Variants in BABAM2 observed in about 807,000 individuals in gnomAD.
BABAM2 encodes BRISC and BRCA1-A complex member 2.
Under a neutral mutation model 54.7 loss-of-function variants are expected in BABAM2, and 31 were observed. The observed-to-expected ratio is 0.57, with a 90% CI of 0.43 to 0.77. BABAM2 has a LOEUF of 0.77. Ranked by LOEUF, BABAM2 falls within the 30% of genes least tolerant of loss-of-function variation. The pLI is 0.00. For synonymous variants in BABAM2, 167 were observed against 162.9 expected (o/e 1.03, Z -0.19); for missense variants, 364 against 455.8 (o/e 0.80, Z 1.83).
intron 10 of BABAM2, among the ~76,000 whole-genome samples, chr2:28,262,296 A>G (rs1684607224): frequency 6.6e-6 from 1 of 152,190 alleles, no homozygotes; most frequent in Non-Finnish European, 1.5e-5. Flanking sequence ...CTTTATCCTA[A>G]GGATAGCAAG....
chr2:28,098,008 G>A (rs1046121264), intron 6 of BABAM2, among the ~76,000 whole-genome samples: 4 of 151,838 alleles, frequency 2.6e-5, no homozygotes, highest in South Asian at 2.1e-4. Context: ...TTAAAATTTC[G>A]TAGTTTGAAA....
chr2:27,909,322 G>A (rs1450882068), intron 2 of BABAM2, among the ~76,000 whole-genome samples: 4 of 152,292 alleles, frequency 2.6e-5, no homozygotes, highest in African/African-American at 9.6e-5. Context: ...TGGGATTACA[G>A]GCTTGAGCAT....
intron 6 of BABAM2, among the ~76,000 whole-genome samples, chr2:28,122,921 G>A (rs1024925270): frequency 6.6e-6 from 1 of 151,528 alleles, no homozygotes; most frequent in Non-Finnish European, 1.5e-5. Flanking sequence ...TCAGACTTGA[G>A]TTTTTTTTTA....
At chr2:28,037,950 C>T (rs887664185) in intron 5 of BABAM2, among the ~76,000 whole-genome samples, 14 of 151,974 alleles carry the variant, frequency 9.2e-5, no homozygotes, top group African/African-American at 2.2e-4. Context: ...ATATAAGAAA[C>T]GGGAGTCCTA....
intron 6 of BABAM2, among the ~76,000 whole-genome samples, chr2:28,105,052 T>TGGGGGGAGG (rs373760794): frequency 1.2e-5 from 1 of 80,438 alleles, no homozygotes; most frequent in African/African-American, 4.5e-5. Flanking sequence ...GGTGGGGGGA[T>TGGGGGGAGG]GGGGGAGGGA....
intron 3 of BABAM2, among the ~76,000 whole-genome samples, chr2:27,987,115 A>G (rs1672452012): frequency 6.6e-6 from 1 of 152,192 alleles, no homozygotes; most frequent in African/African-American, 2.4e-5. Context: ...TTATCGTCAC[A>G]ATAAATCTGT....
At chr2:27,934,403 T>C (rs1175579436) in intron 3 of BABAM2, among the ~76,000 whole-genome samples, 1 of 152,220 alleles carries the variant, frequency 6.6e-6, no homozygotes, top group Non-Finnish European at 1.5e-5. Flanking sequence ...TATGTTCTGA[T>C]TGCTGTACTG....
intron 6 of BABAM2, among the ~76,000 whole-genome samples, chr2:28,054,969 TG>T (rs930242547): frequency 2.0e-5 from 3 of 152,216 alleles, no homozygotes; most frequent in African/African-American, 7.2e-5. Flanking sequence ...GAATTTACTG[TG>T]GAACTAAGCA....
intron 10 of BABAM2, among the ~76,000 whole-genome samples, chr2:28,287,648 G>A (rs181278221): frequency 6.6e-6 from 1 of 152,310 alleles, no homozygotes; most frequent in South Asian, 2.1e-4. Flanking sequence ...GAGCATGCAA[G>A]GAAGGCTTCC....
At chr2:27,947,448 T>G (rs1669380728) in intron 3 of BABAM2, among the ~76,000 whole-genome samples, 1 of 152,148 alleles carries the variant, frequency 6.6e-6, no homozygotes, top group Non-Finnish European at 1.5e-5. Context: ...TTTCCCCTAC[T>G]CAACTCCTCT....
At chr2:28,055,398 A>C (rs927607549) in intron 6 of BABAM2, among the ~76,000 whole-genome samples, 1 of 152,130 alleles carries the variant, frequency 6.6e-6, no homozygotes, top group African/African-American at 2.4e-5. Context: ...CTGCACATGT[A>C]CCCCTGAACC....
At chr2:27,900,435 C>G (rs1665692122) in intron 2 of BABAM2, among the ~76,000 whole-genome samples, 1 of 150,992 alleles carries the variant, frequency 6.6e-6, no homozygotes, top group South Asian at 2.1e-4. Flanking sequence ...TTCTACCTTA[C>G]TTAATAAGAC....
At chr2:28,184,863 T>G (rs529337435) in intron 7 of BABAM2, among the ~76,000 whole-genome samples, 1 of 152,222 alleles carries the variant, frequency 6.6e-6, no homozygotes, top group African/African-American at 2.4e-5. Flanking sequence ...TAATGTTAAA[T>G]GAATCATTAG....
At chr2:28,237,051 A>T in intron 7 of BABAM2, 151 bp from the exon 8 acceptor site, 2 of 628,370 alleles carry the variant, frequency 3.2e-6, no homozygotes, top group South Asian at 3.9e-5. Context: ...ACAGAAATGT[A>T]ATCATAAAGT....
intron 3 of BABAM2, among the ~76,000 whole-genome samples, chr2:27,957,710 G>T (rs1202345735): frequency 6.6e-6 from 1 of 152,076 alleles, no homozygotes; most frequent in Non-Finnish European, 1.5e-5. Flanking sequence ...CATTCCACAT[G>T]CTCTTCTATA....
intron 7 of BABAM2, among the ~76,000 whole-genome samples, chr2:28,199,279 C>T (rs917768901): frequency 1.3e-5 from 2 of 152,220 alleles, no homozygotes; most frequent in Non-Finnish European, 2.9e-5. Flanking sequence ...TCTTTCGTTA[C>T]GTGCTTGTAA....
At chr2:28,095,534 A>G (rs1451364497) in intron 6 of BABAM2, among the ~76,000 whole-genome samples, 1 of 152,170 alleles carries the variant, frequency 6.6e-6, no homozygotes, top group Non-Finnish European at 1.5e-5. Context: ...TCCAGTACTC[A>G]TTATATTCCA....
intron 4 of BABAM2, among the ~76,000 whole-genome samples, chr2:28,008,909 T>C (rs1674175793): frequency 6.6e-6 from 1 of 152,182 alleles, no homozygotes; most frequent in African/African-American, 2.4e-5. Context: ...TGGGCAGCTC[T>C]GGATTCCAGG....
intron 3 of BABAM2, among the ~76,000 whole-genome samples, chr2:27,963,733 T>C (rs916802379): frequency 6.6e-6 from 1 of 152,142 alleles, no homozygotes; most frequent in African/African-American, 2.4e-5. Context: ...TACCAAAATA[T>C]AGTTAAGTAG....
Sources: allele counts gnomAD v4.1 joint callset (sites outside exome capture counted in the v4.1 genomes callset), GRCh38; gene constraint gnomAD v4.1.1; transcripts MANE v1.5; gene names NCBI Gene and HGNC (gene_info 2026-07-23, HGNC 2026-07-21).